EML6: variants seen among roughly 807,000 people sequenced by gnomAD.
EML6 encodes echinoderm microtubule-associated protein-like 6.
A neutral mutation model predicts 240.1 loss-of-function variants in EML6; 154 were observed. The ratio of observed to expected loss-of-function variants is 0.64; its 90% CI spans 0.56 to 0.73. The LOEUF (loss-of-function observed/expected upper bound fraction) is 0.73, where lower values mean the gene tolerates loss of function less well. Among genes scored for constraint, EML6 ranks in the 30% least tolerant of loss-of-function variants. The pLI, the probability that EML6 is intolerant of heterozygous loss-of-function variation, is 0.00. For missense variants in EML6, 2,964 were observed against 2,474.6 expected, an observed-to-expected ratio of 1.20 and a Z score of -4.20; for synonymous variants, 1,148 against 899.0, an observed-to-expected ratio of 1.28 and a Z score of -4.95.
At chr2:54,853,192 C>T (rs557932956) in intron 10 of EML6, among the ~76,000 whole-genome samples, 4 of 152,122 alleles carry the variant, frequency 2.6e-5, no homozygotes, top group East Asian at 1.9e-4. Context: ...CCTGGCAAAG[C>T]GTTGGTGACT....
intron 28 of EML6, among the ~76,000 whole-genome samples, chr2:54,947,318 T>G (rs1675740695): frequency 6.6e-6 from 1 of 152,154 alleles, no homozygotes; most frequent in Non-Finnish European, 1.5e-5. Flanking sequence ...AGTCTCCCGA[T>G]TTTGCTCAAT....
At chr2:54,887,873 T>A (rs932805510) in intron 17 of EML6, among the ~76,000 whole-genome samples, 1 of 152,208 alleles carries the variant, frequency 6.6e-6, no homozygotes, top group East Asian at 1.9e-4. Flanking sequence ...CCTCCTGCAC[T>A]AGACGGTACA....
chr2:54,749,014 A>G (rs746593776), intron 2 of EML6, among the ~76,000 whole-genome samples: 72 of 152,330 alleles, frequency 4.7e-4, no homozygotes, highest in Middle Eastern at 3.4e-3. Context: ...TTTCTGTAGC[A>G]GATATTTCTA....
intron 16 of EML6, among the ~76,000 whole-genome samples, chr2:54,872,550 C>T (rs1390099409): frequency 2.2e-4 from 33 of 152,106 alleles, no homozygotes; most frequent in East Asian, 1.9e-4. Flanking sequence ...TGGAGTCTCC[C>T]AAAAGCATAG....
In EML6 at chr2:54,829,325, C is replaced by A. The variant is rs1177621803; in HGVS notation, c.712-17C>A. 4 of 1,550,498 alleles carry A rather than the reference C, an allele frequency of 2.6e-6. No individual in the cohort carries two copies. Among genetic ancestry groups the A allele is most frequent in the Non-Finnish European group, 3.5e-6 (4 of 1,146,198 alleles). Reference sequence around the variant, plus strand: ...AGGATGGTTGCACCATTGAGTATTACCTGTTTTAATCAACAGGCTGGAATC... The same window carrying A: ...AGGATGGTTGCACCATTGAGTATTAACTGTTTTAATCAACAGGCTGGAATC... On this transcript the variant is annotated splice_polypyrimidine_tract_variant and intron_variant, in intron 6 of 41. Coordinates refer to ENST00000356458, the MANE Select transcript of EML6 (RefSeq NM_001039753.4).
In EML6 at chr2:54,725,047, C is replaced by T. The variant is rs759267390; in HGVS notation, c.-15C>T. Reference sequence around the variant, plus strand: ...GGCGCGCGGGGGGGCGGGGGGCGCGCGGGGTCGGCTTATCATGGCGGATCG... The same window carrying T: ...GGCGCGCGGGGGGGCGGGGGGCGCGTGGGGTCGGCTTATCATGGCGGATCG... On this transcript the variant is annotated 5_prime_UTR_variant, in exon 2 of 42. Transcript: ENST00000356458. This position sits in a 1 kb window ranked among gnomAD's most constrained non-coding sequence, Gnocchi z 4.3. The T allele has an allele frequency of 9.3e-5, 139 of 1,496,824 alleles. No individual in the cohort carries two copies. The highest frequency in any genetic ancestry group is 2.3e-5 in the Admixed American group (1 of 43,882). The allele number at this position is 1,496,824 out of a possible 1,614,324, so 92.7% of individuals were successfully genotyped here. A position where few individuals can be genotyped will look rare whatever the true frequency, so the allele number is the denominator to read the frequency against.
intron 36 of EML6, 61 bp from the exon 37 acceptor site, chr2:54,963,925 T>A: frequency 6.8e-7 from 1 of 1,463,330 alleles, no homozygotes; most frequent in Non-Finnish European, 9.1e-7. Context: ...GTGCAGAATG[T>A]CTCCTGGAGA....
chr2:54,797,609 G>C (rs10186724), intron 2 of EML6, among the ~76,000 whole-genome samples: 1 of 128,168 alleles, frequency 7.8e-6, no homozygotes, highest in South Asian at 2.6e-4. Flanking sequence ...ACAACATGTA[G>C]AAAACTTCTT....
Position 54,859,721 on chromosome 2 carries a change from C to T in EML6, c.1825+20C>T. 2 of 1,515,414 alleles carry T rather than the reference C, an allele frequency of 1.3e-6. No homozygotes were observed. The highest frequency in any genetic ancestry group is 1.8e-6 in the Non-Finnish European group (2 of 1,132,200). The allele number at this position is 1,515,414 out of a possible 1,614,324, so 93.9% of individuals were successfully genotyped here. A position where few individuals can be genotyped will look rare whatever the true frequency, so the allele number is the denominator to read the frequency against. ...CCCAAGGTAAACCCAGCAATAATTT[C>T]TTAACATCATTTTATTTTTCAATAG... On this transcript the variant is annotated intron_variant, in intron 12 of 41. Transcript: ENST00000356458.
intron 4 of EML6, among the ~76,000 whole-genome samples, chr2:54,818,268 T>C (rs1007067667): frequency 1.8e-4 from 27 of 152,204 alleles, no homozygotes; most frequent in Non-Finnish European, 1.5e-5. Context: ...TATTGTTAAA[T>C]TATTACTGTT....
intron 2 of EML6, among the ~76,000 whole-genome samples, chr2:54,763,313 G>A (rs1016351394): frequency 6.6e-5 from 10 of 152,112 alleles, no homozygotes; most frequent in African/African-American, 2.2e-4. Context: ...ATTCAGCATG[G>A]TTATGTTATT....
At chr2:54,929,186 C>A (rs1411128656) in intron 28 of EML6, among the ~76,000 whole-genome samples, 1 of 152,208 alleles carries the variant, frequency 6.6e-6, no homozygotes, top group East Asian at 1.9e-4. Flanking sequence ...GAATCTGTGC[C>A]TTATACTCCA....
chr2:54,969,994 GGCA>G, intron 41 of EML6, 74 bp from the exon 42 acceptor site: 1 of 1,485,366 alleles, frequency 6.7e-7, no homozygotes. Flanking sequence ...TTGAGCACTT[GGCA>G]AGATTGTTTT....
At chr2:54,845,899 C>A (rs977625264) in intron 8 of EML6, among the ~76,000 whole-genome samples, 1 of 152,176 alleles carries the variant, frequency 6.6e-6, no homozygotes, top group East Asian at 1.9e-4. Flanking sequence ...GTCTCCCAGA[C>A]ACTAGTTTGT....
At chr2:54,734,574 G>T (rs1683312130) in intron 2 of EML6, among the ~76,000 whole-genome samples, 2 of 152,178 alleles carry the variant, frequency 1.3e-5, no homozygotes, top group Non-Finnish European at 2.9e-5. Flanking sequence ...AAATGAGGCT[G>T]ATATTGGCAG....
intron 2 of EML6, among the ~76,000 whole-genome samples, chr2:54,776,723 C>A (rs927624660): frequency 6.6e-6 from 1 of 152,142 alleles, no homozygotes; most frequent in Non-Finnish European, 1.5e-5. Flanking sequence ...CCTCCCTCCC[C>A]TCCTGTGCCA....
intron 17 of EML6, chr2:54,882,343 C>T (rs1199254349): frequency 3.4e-5 from 5 of 147,892 alleles, no homozygotes; most frequent in African/African-American, 1.3e-4. Context: ...ATTTAAGAAC[C>T]AAGGCTGATC....
rs1473424923 is a variant in EML6 at position 54,962,719 on chromosome 2, C to T, written c.5157+8C>T. 3.3e-5 allele frequency: 48 copies of T among 1,461,538 alleles called. No homozygotes were observed. In the South Asian group the frequency reaches 4.1e-4, roughly 12 times the overall value. 90.5% of individuals were successfully genotyped at this position (1,461,538 alleles called of 1,614,324 possible). A position where few individuals can be genotyped will look rare whatever the true frequency, so the allele number is the denominator to read the frequency against. ...TGGGACCTGGCTGACAAGGTGAGGC[C>T]GACTCTGCCCAAACTCAGATGCCCA... On this transcript the variant is annotated splice_region_variant and intron_variant, in intron 36 of 41. Coordinates refer to ENST00000356458, the MANE Select transcript of EML6 (RefSeq NM_001039753.4).
chr2:54,768,327 T>C (rs13422751), intron 2 of EML6, among the ~76,000 whole-genome samples: 1 of 152,030 alleles, frequency 6.6e-6, no homozygotes, highest in Non-Finnish European at 1.5e-5. Flanking sequence ...TGTTTTGGCA[T>C]CTTATTGCTA....
Sources: allele counts gnomAD v4.1 joint callset (sites outside exome capture counted in the v4.1 genomes callset), GRCh38; gene constraint gnomAD v4.1.1; non-coding constraint Gnocchi (gnomAD v3.1); transcripts MANE v1.5; gene names NCBI Gene and HGNC (gene_info 2026-07-23, HGNC 2026-07-21).